Variants in XPR1 observed in about 807,000 individuals in gnomAD.
The protein encoded by XPR1 is solute carrier family 53 member 1.
A neutral mutation model predicts 87.5 loss-of-function variants in XPR1; 28 were observed. The ratio of observed to expected loss-of-function variants is 0.32; its 90% CI spans 0.24 to 0.44. The LOEUF (loss-of-function observed/expected upper bound fraction) is 0.44. Ranked by LOEUF, XPR1 falls within the 20% of genes least tolerant of loss-of-function variation. The pLI, the probability that XPR1 is intolerant of heterozygous loss-of-function variation, is 1.00. For synonymous variants in XPR1, 300 were observed against 306.1 expected, an observed-to-expected ratio of 0.98 and a Z score of 0.21; for missense variants, 559 against 862.3, an observed-to-expected ratio of 0.65 and a Z score of 4.41.
At chr1:180,747,839 A>G (rs758433115) in intron 2 of XPR1, among the ~76,000 whole-genome samples, 6 of 152,204 alleles carry the variant, frequency 3.9e-5, no homozygotes, top group Non-Finnish European at 5.9e-5. Context: ...GCCTCTATCA[A>G]GGTTTCTGTG....
chr1:180,822,379 C>T (rs1023830932), intron 7 of XPR1, among the ~76,000 whole-genome samples: 1 of 152,232 alleles, frequency 6.6e-6, no homozygotes, highest in Non-Finnish European at 1.5e-5. Flanking sequence ...TCCTTAAGGT[C>T]ATCTCCTTAA....
intron 1 of XPR1, among the ~76,000 whole-genome samples, chr1:180,642,688 A>T (rs1197550006): frequency 6.6e-6 from 1 of 152,164 alleles, no homozygotes; most frequent in East Asian, 1.9e-4. Context: ...CTGTCAGGTA[A>T]TATAATAAGT....
At chr1:180,850,221 TTTACTC>T (rs1230247904) in intron 11 of XPR1, among the ~76,000 whole-genome samples, 1 of 152,154 alleles carries the variant, frequency 6.6e-6, no homozygotes. Context: ...TTTGGACTGT[TTTACTC>T]TGATATTTAG....
At chr1:180,699,358 T>TC (rs1368655555) in intron 2 of XPR1, among the ~76,000 whole-genome samples, 3 of 103,114 alleles carry the variant, frequency 2.9e-5, no homozygotes, top group East Asian at 2.9e-4. Context: ...ATGCTATCCC[T>TC]CCCCCCTCCC....
chr1:180,635,911 T>G lies in XPR1; in HGVS notation c.69+3641T>G, dbSNP rs1571661051. Among the ~76,000 whole-genome samples the G allele has an allele frequency of 2.0e-5, 3 of 152,344 alleles. No individual in the cohort carries two copies. The South Asian group carries it at 6.2e-4, about 32-fold the overall frequency. ...AAATGGTTTTATTATGTTTGGTATA[T>G]GAAGAGGACAGAACTTAACAGGAGT... On this transcript the variant is annotated intron_variant, in intron 1 of 14. Transcript: ENST00000367590.
intron 1 of XPR1, among the ~76,000 whole-genome samples, chr1:180,677,763 T>G (rs1656414596): frequency 6.6e-6 from 1 of 152,196 alleles, no homozygotes; most frequent in South Asian, 2.1e-4. Context: ...GTTTCAAAGT[T>G]GCACTATAAA....
chr1:180,850,818 G>A (rs762343724), intron 11 of XPR1, among the ~76,000 whole-genome samples: 1 of 152,118 alleles, frequency 6.6e-6, no homozygotes, highest in Non-Finnish European at 1.5e-5. Context: ...AATTAGGCAA[G>A]TGTCGTGGTA....
chr1:180,732,947 T>A (rs1185803937), intron 2 of XPR1, among the ~76,000 whole-genome samples: 1 of 152,208 alleles, frequency 6.6e-6, no homozygotes, highest in Admixed American at 6.5e-5. Context: ...GGTTTTCCCC[T>A]GGTGTCTGGC....
intron 2 of XPR1, among the ~76,000 whole-genome samples, chr1:180,698,576 C>T (rs1247958288): frequency 6.6e-6 from 1 of 152,042 alleles, no homozygotes; most frequent in African/African-American, 2.4e-5. Flanking sequence ...TTTTCTTTCT[C>T]ATTTTTGTGT....
intron 2 of XPR1, among the ~76,000 whole-genome samples, chr1:180,736,221 A>G (rs1658726288): frequency 6.6e-6 from 1 of 152,178 alleles, no homozygotes; most frequent in Non-Finnish European, 1.5e-5. Flanking sequence ...GAAGTTTTTC[A>G]AGCTGAGGAA....
At chr1:180,782,348 G>T (rs1648973701) in intron 2 of XPR1, among the ~76,000 whole-genome samples, 1 of 151,948 alleles carries the variant, frequency 6.6e-6, no homozygotes, top group Non-Finnish European at 1.5e-5. Context: ...TACAGACTGG[G>T]TGCTTTAAAC....
At chr1:180,678,511 TTATTG>T (rs1557952556) in intron 1 of XPR1, among the ~76,000 whole-genome samples, 1 of 152,244 alleles carries the variant, frequency 6.6e-6, no homozygotes, top group Non-Finnish European at 1.5e-5. Context: ...CTCAGTTGCA[TTATTG>T]TATTGCTTCA....
Position 180,863,820 on chromosome 1 carries a change from T to A in XPR1, c.1614T>A (p.Asp538Glu). ...WDLKMDWGLF[D>E]KNAGENTFLR... ...TCAAGATGGACTGGGGTCTCTTCGA[T>A]AAGAATGCTGGAGAGAACACTTTCC... The change falls in exon 12 of 15, where the codon GAT becomes GAA. Residue 538 changes from aspartate (D) to glutamate (E), a missense_variant. Physicochemically the swap from Asp to Glu is conservative, Grantham distance 45. This residue lies in a region of XPR1 where 264 missense variants were observed against 377.2 expected (regional missense o/e 0.70). Transcript: ENST00000367590. The A allele has an allele frequency of 6.2e-7, 1 of 1,612,278 alleles. No homozygotes were observed. Among genetic ancestry groups the A allele is most frequent in the Non-Finnish European group, 8.5e-7 (1 of 1,179,316 alleles).
intron 11 of XPR1, among the ~76,000 whole-genome samples, chr1:180,847,791 C>G (rs764809026): frequency 5.1e-4 from 78 of 152,236 alleles, no homozygotes; most frequent in Middle Eastern, 6.8e-3. Flanking sequence ...TGCAAGAAGG[C>G]AGACACTCTA....
rs1251597134 is a variant in XPR1 at position 180,667,011 on chromosome 1, G to C, written c.70-15349G>C. ...GCTTATTGCAACCTCCACCTCCCAG[G>C]CTTAAGTTTTCCTCCCACCTCAGGC... On this transcript the variant is annotated intron_variant, in intron 1 of 14. Transcript: ENST00000367590. Among the ~76,000 whole-genome samples the C allele has an allele frequency of 2.0e-5, 3 of 152,124 alleles. No homozygotes were observed. The East Asian group carries it at 5.8e-4, about 29-fold the overall frequency.
chr1:180,767,729 C>T (rs886337063), intron 2 of XPR1, among the ~76,000 whole-genome samples: 9 of 151,982 alleles, frequency 5.9e-5, no homozygotes, highest in African/African-American at 9.7e-5. Flanking sequence ...CTGTACAGTA[C>T]GTACACATGC....
rs866687016 is a variant in XPR1, at chr1:180,825,237, C to T, written c.1027C>T (p.Pro343Ser). Residue 343 changes from proline to serine, a missense_variant, in exon 9 of 15, where the codon CCC (proline) becomes TCC (serine). Physicochemically the swap from Pro to Ser is moderately conservative, Grantham distance 74. Transcript: ENST00000367590. The part of the protein sequence containing the change: ...ACFFAPISVI[P>S]TYVYPLALYG... Reference sequence around the variant, plus strand: ...CTTCTTTGCTCCAATTAGTGTCATCCCCACATATGTGTATCCACTTGCCCT... The same window carrying T: ...CTTCTTTGCTCCAATTAGTGTCATCTCCACATATGTGTATCCACTTGCCCT... 15 of 1,613,984 alleles carry T rather than the reference C, an allele frequency of 9.3e-6. No homozygotes were observed. In the Middle Eastern group the frequency reaches 2.5e-3, roughly 266 times the overall value.
At chr1:180,794,763 A>G (rs1649509629) in intron 3 of XPR1, among the ~76,000 whole-genome samples, 1 of 152,214 alleles carries the variant, frequency 6.6e-6, no homozygotes, top group African/African-American at 2.4e-5. Context: ...GAAAAAATCT[A>G]TCCAGATGCA....
chr1:180,762,478 C>T (rs1378482329), intron 2 of XPR1, among the ~76,000 whole-genome samples: 1 of 152,048 alleles, frequency 6.6e-6, no homozygotes, highest in Non-Finnish European at 1.5e-5. Context: ...ATCAGCATTC[C>T]AGTGAATACA....
Sources: gnomAD v4.1 joint callset for allele counts (sites outside exome capture counted in the v4.1 genomes callset) on GRCh38, gnomAD v4.1.1 for gene constraint, gnomAD v4.1.1 regional missense constraint, MANE v1.5 for transcripts, NCBI Gene and HGNC (gene_info 2026-07-23, HGNC 2026-07-21) for gene names.